Variants in TMC1 observed in about 807,000 individuals in gnomAD.
The protein encoded by TMC1 is transmembrane channel like 1.
In TMC1, 84 loss-of-function variants were observed where a neutral mutation model predicts 105.8. The ratio of observed to expected loss-of-function variants is 0.79; its 90% CI spans 0.67 to 0.95. TMC1 has a LOEUF of 0.95. Among genes scored for constraint, TMC1 ranks in the 40% least tolerant of loss-of-function variants. The pLI is 0.00. For missense variants in TMC1, 817 were observed against 914.1 expected (o/e 0.89, Z 1.37); for synonymous variants, 315 against 311.5 (o/e 1.01, Z -0.12).
rs188928910 is a variant in TMC1, at chr9:72,728,464, G to A, written c.363-11655G>A. Among the ~76,000 whole-genome samples, 445 of 152,270 alleles carry A rather than the reference G, an allele frequency of 2.9e-3. 1 individual carries two copies. Among genetic ancestry groups the A allele is most frequent in the Middle Eastern group, 0.017 (5 of 294 alleles). ...TCTCCTGCTTTTAGGCAAAGGGGGA[G>A]AGCAGAGAGCTTTTCTTGTATCTGC... On this transcript the variant is annotated intron_variant, in intron 8 of 23. Transcript: ENST00000297784.
intron 5 of TMC1, among the ~76,000 whole-genome samples, chr9:72,685,248 A>T (rs1480735050): frequency 6.6e-6 from 1 of 151,366 alleles, no homozygotes; most frequent in Non-Finnish European, 1.5e-5. Flanking sequence ...CTGGGACTAC[A>T]GGCGCCCACC....
At chr9:72,830,343 A>G (rs1448785964) in intron 21 of TMC1, 108 bp from the exon 22 acceptor site, 1 of 802,230 alleles carries the variant, frequency 1.2e-6, no homozygotes, top group African/African-American at 1.7e-5. Context: ...AGATAGCTTA[A>G]TGTTCATTCC....
chr9:72,771,057 C>T (rs889341088), intron 12 of TMC1, among the ~76,000 whole-genome samples: 1 of 152,152 alleles, frequency 6.6e-6, no homozygotes, highest in African/African-American at 2.4e-5. Flanking sequence ...TTGGCACATA[C>T]AATTAAACAT....
At chr9:72,739,554 A>G (rs555942793) in intron 8 of TMC1, among the ~76,000 whole-genome samples, 4 of 152,312 alleles carry the variant, frequency 2.6e-5, no homozygotes, top group African/African-American at 9.6e-5. Flanking sequence ...CCCTTTCTAA[A>G]TGTGAGGCCG....
At chr9:72,728,669 G>T (rs867051006) in intron 8 of TMC1, among the ~76,000 whole-genome samples, 2 of 151,918 alleles carry the variant, frequency 1.3e-5, no homozygotes, top group African/African-American at 4.8e-5. Flanking sequence ...CCAAATTTTG[G>T]TTTCCTTCTG....
chr9:72,631,683 A>G (rs1252368430), intron 4 of TMC1, among the ~76,000 whole-genome samples: 1 of 151,986 alleles, frequency 6.6e-6, no homozygotes, highest in East Asian at 1.9e-4. Context: ...TTGAGGGGGG[A>G]AGCAGAGAGA....
intron 1 of TMC1, among the ~76,000 whole-genome samples, chr9:72,564,343 T>G (rs1481005746): frequency 6.6e-6 from 1 of 152,252 alleles, no homozygotes; most frequent in Non-Finnish European, 1.5e-5. Context: ...TGAACACATG[T>G]GTTCTTTTGC....
At position 72,826,935 on chromosome 9, in the gene TMC1, G is replaced by A. The variant is rs145757452; in HGVS notation, c.2070G>A (p.Ala690=). 286 of 1,613,950 alleles carry A rather than the reference G, an allele frequency of 1.8e-4. 1 individual carries two copies. Among genetic ancestry groups the A allele is most frequent in the Admixed American group, 8.5e-4 (51 of 59,992 alleles). Residue 690 remains alanine, a synonymous_variant, in exon 21 of 24, where the codon GCG becomes GCA. Transcript: ENST00000297784. ...AGCACGATTTCCCAAGCTGGATGGC[G>A]AAGATCTTGAGACAGCTTTCAAACC... The part of the protein sequence containing the change: ...TLEHDFPSWM[A]KILRQLSNPG...
chr9:72,624,083 C>G (rs564475599), intron 3 of TMC1, among the ~76,000 whole-genome samples: 1 of 152,296 alleles, frequency 6.6e-6, no homozygotes, highest in Non-Finnish European at 1.5e-5. Flanking sequence ...GCTACCCTCC[C>G]TGAGGAACGG....
intron 2 of TMC1, among the ~76,000 whole-genome samples, chr9:72,613,239 C>G (rs576122930): frequency 6.6e-6 from 1 of 151,292 alleles, no homozygotes; most frequent in Non-Finnish European, 1.5e-5. Flanking sequence ...TCAAGCGATT[C>G]TCCTGCCTCA....
intron 17 of TMC1, among the ~76,000 whole-genome samples, chr9:72,794,467 A>C (rs1828329963): frequency 6.6e-6 from 1 of 152,186 alleles, no homozygotes; most frequent in Non-Finnish European, 1.5e-5. Context: ...CAATATGCCG[A>C]AGTGCCACCT....
chr9:72,762,352 C>A (rs1468738884), intron 12 of TMC1, among the ~76,000 whole-genome samples: 1 of 152,124 alleles, frequency 6.6e-6, no homozygotes, highest in Non-Finnish European at 1.5e-5. Flanking sequence ...CATCTGGAGG[C>A]TCTCTCTCAA....
chr9:72,814,258 A>G (rs1359861690), intron 18 of TMC1, among the ~76,000 whole-genome samples: 1 of 152,160 alleles, frequency 6.6e-6, no homozygotes, highest in Admixed American at 6.5e-5. Flanking sequence ...CATTTTTCAG[A>G]TGTGTTCTGT....
chr9:72,626,751 G>A (rs750832280), intron 3 of TMC1, among the ~76,000 whole-genome samples: 16 of 152,182 alleles, frequency 1.1e-4, no homozygotes, highest in Non-Finnish European at 2.2e-4. Context: ...GGGCTAGGGA[G>A]TGATGGGGCA....
chr9:72,544,526 C>A (rs1823732523), intron 1 of TMC1, among the ~76,000 whole-genome samples: 1 of 138,492 alleles, frequency 7.2e-6, no homozygotes, highest in Non-Finnish European at 1.5e-5. Flanking sequence ...GTTTTCCAGG[C>A]TGGAGTGCAG....
intron 8 of TMC1, among the ~76,000 whole-genome samples, chr9:72,715,431 C>T (rs1257669350): frequency 6.6e-6 from 1 of 152,074 alleles, no homozygotes; most frequent in African/African-American, 2.4e-5. Context: ...TTCACATGAT[C>T]CCATATTTCC....
intron 12 of TMC1, among the ~76,000 whole-genome samples, chr9:72,756,253 C>T (rs769529418): frequency 2.6e-5 from 4 of 151,988 alleles, no homozygotes; most frequent in African/African-American, 7.3e-5. Flanking sequence ...TCAGGGTACT[C>T]GTGATATTAG....
intron 2 of TMC1, among the ~76,000 whole-genome samples, chr9:72,612,296 G>C (rs1424499228): frequency 2.0e-5 from 3 of 151,984 alleles, no homozygotes; most frequent in African/African-American, 7.3e-5. Flanking sequence ...TCAGCCTCTT[G>C]AGTAGCTGGG....
intron 4 of TMC1, among the ~76,000 whole-genome samples, chr9:72,641,774 C>T (rs35725203): frequency 0.052 from 7,536 of 145,946 alleles, 232 homozygotes; most frequent in Non-Finnish European, 0.063. Flanking sequence ...TGTTCACTAT[C>T]GGAAATAAAA....
Sources: allele counts gnomAD v4.1 joint callset (sites outside exome capture counted in the v4.1 genomes callset), GRCh38; gene constraint gnomAD v4.1.1; transcripts MANE v1.5; gene names NCBI Gene and HGNC (gene_info 2026-07-23, HGNC 2026-07-21).